The following NEK7 variants were observed in gnomAD, a reference collection of about 807,000 sequenced individuals.
NEK7 encodes the protein NIMA related kinase 7.
NEK7 carries 18 observed loss-of-function variants against 44.6 expected under a neutral mutation model. The ratio of observed to expected loss-of-function variants is 0.40; its 90% CI spans 0.28 to 0.60. The LOEUF (loss-of-function observed/expected upper bound fraction) is 0.60. Among genes scored for constraint, NEK7 ranks in the 20% least tolerant of loss-of-function variants. The probability of loss-of-function intolerance (pLI) is 0.38; values close to 1 mark genes in which losing one functional copy is unlikely to be tolerated. For synonymous variants in NEK7, 130 were observed against 121.1 expected (o/e 1.07, Z -0.48); for missense variants, 256 against 366.5 (o/e 0.70, Z 2.46).
chr1:198,227,307 T>G lies in NEK7; in HGVS notation c.-28-5246T>G, dbSNP rs1481510126. On this transcript the variant is annotated intron_variant, in intron 1 of 9. Coordinates refer to ENST00000367385, the MANE Select transcript of NEK7 (RefSeq NM_133494.3). Reference sequence around the variant, plus strand: ...GGTTGGTTCCAAGTCTTTGCTATTGTGAATAGTGCTGCTATAAACATACGT... The same window carrying G: ...GGTTGGTTCCAAGTCTTTGCTATTGGGAATAGTGCTGCTATAAACATACGT... 3.3e-5 allele frequency among the ~76,000 whole-genome samples: 5 copies of G among 152,344 alleles called. No homozygotes were observed. In the East Asian group the frequency reaches 7.7e-4, roughly 24 times the overall value.
chr1:198,257,110 T>A (rs542189540), intron 3 of NEK7, among the ~76,000 whole-genome samples: 31 of 152,304 alleles, frequency 2.0e-4, no homozygotes, highest in African/African-American at 7.2e-4. Flanking sequence ...TATTTCTAGA[T>A]AACACTATTT....
At chr1:198,185,260 G>T (rs16842537) in intron 1 of NEK7, among the ~76,000 whole-genome samples, 22,967 of 100,224 alleles carry the variant, frequency 0.23, 2,456 homozygotes, top group East Asian at 0.62. Context: ...TTTGAACTTT[G>T]TTCTTCATAA....
At chr1:198,210,977 C>G (rs959099991) in intron 1 of NEK7, among the ~76,000 whole-genome samples, 10 of 151,794 alleles carry the variant, frequency 6.6e-5, no homozygotes, top group African/African-American at 2.4e-4. Context: ...TGGTCTCGAT[C>G]TCCTGACCTC....
intron 7 of NEK7, among the ~76,000 whole-genome samples, chr1:198,280,929 AT>A (rs1165458507): frequency 6.6e-6 from 1 of 151,594 alleles, no homozygotes; most frequent in Non-Finnish European, 1.5e-5. Flanking sequence ...TTTCACAAGT[AT>A]TTTTTGTTTT....
At chr1:198,240,712 C>T (rs766328614) in intron 2 of NEK7, among the ~76,000 whole-genome samples, 2 of 152,114 alleles carry the variant, frequency 1.3e-5, no homozygotes, top group African/African-American at 2.4e-5. Context: ...GTTCTTGAGA[C>T]GGAGTCCTGC....
chr1:198,306,136 T>C (rs891659071), intron 9 of NEK7, among the ~76,000 whole-genome samples: 4 of 152,156 alleles, frequency 2.6e-5, no homozygotes, highest in Non-Finnish European at 4.4e-5. Context: ...TTTATGAAGA[T>C]TGAATAAATT....
intron 1 of NEK7, among the ~76,000 whole-genome samples, chr1:198,172,102 CA>C (rs1664467728): frequency 1.3e-5 from 2 of 152,110 alleles, no homozygotes; most frequent in African/African-American, 4.8e-5. Context: ...TGCTGAAAAA[CA>C]AAACAAAACA....
chr1:198,312,458 A>G (rs1262260749), intron 9 of NEK7, among the ~76,000 whole-genome samples: 4 of 151,682 alleles, frequency 2.6e-5, no homozygotes, highest in South Asian at 4.2e-4. Flanking sequence ...CTCTGATTTT[A>G]GTTATTTCTT....
chr1:198,162,237 GT>G (rs1428537971), intron 1 of NEK7, among the ~76,000 whole-genome samples: 1 of 152,172 alleles, frequency 6.6e-6, no homozygotes, highest in Non-Finnish European at 1.5e-5. Flanking sequence ...TCAGGAGTGG[GT>G]TTTGTGTGTG....
In NEK7 at chr1:198,157,033, G is replaced by C. The variant is rs944283732; in HGVS notation, c.-272G>C. 1.3e-5 allele frequency: 2 copies of C among 152,030 alleles called. No homozygotes were observed. Among genetic ancestry groups the C allele is most frequent in the Non-Finnish European group, 2.9e-5 (2 of 67,990 alleles). 9.4% of individuals were successfully genotyped at this position (152,030 alleles called of 1,614,324 possible). A position where few individuals can be genotyped will look rare whatever the true frequency, so the allele number is the denominator to read the frequency against. ...CAGCGGCGGCAGCAGGAGGAGGATCGGGAGTCGCGGGAGGATGGGCCGCCG... is the reference window on the plus strand; with the variant it reads ...CAGCGGCGGCAGCAGGAGGAGGATCCGGAGTCGCGGGAGGATGGGCCGCCG... On this transcript the variant is annotated 5_prime_UTR_variant, in exon 1 of 10. Transcript: ENST00000367385.
chr1:198,161,386 T>C (rs906361443), intron 1 of NEK7, among the ~76,000 whole-genome samples: 1 of 152,214 alleles, frequency 6.6e-6, no homozygotes, highest in African/African-American at 2.4e-5. Context: ...ATACAGTATC[T>C]GACCAAGTGG....
intron 9 of NEK7, among the ~76,000 whole-genome samples, chr1:198,311,833 G>A (rs1400742210): frequency 2.6e-5 from 4 of 151,964 alleles, no homozygotes; most frequent in East Asian, 1.9e-4. Flanking sequence ...TGCTGGATTC[G>A]GTTTGCCAGT....
intron 5 of NEK7, among the ~76,000 whole-genome samples, chr1:198,268,839 T>G (rs1215671696): frequency 1.3e-5 from 2 of 152,158 alleles, no homozygotes; most frequent in Non-Finnish European, 2.9e-5. Flanking sequence ...ATCTGACTCC[T>G]GCTCTTGCTG....
At chr1:198,159,449 A>C (rs554077764) in intron 1 of NEK7, among the ~76,000 whole-genome samples, 15 of 152,298 alleles carry the variant, frequency 9.8e-5, no homozygotes, top group African/African-American at 3.6e-4. Context: ...AGCAGACTAA[A>C]TATAGTCCAT....
intron 1 of NEK7, among the ~76,000 whole-genome samples, chr1:198,170,412 G>C (rs1327249566): frequency 6.6e-6 from 1 of 152,184 alleles, no homozygotes; most frequent in East Asian, 1.9e-4. Flanking sequence ...AAACATGACA[G>C]GCAGTTAGAT....
At chr1:198,188,361 A>G (rs2102760930) in intron 1 of NEK7, among the ~76,000 whole-genome samples, 1 of 152,328 alleles carries the variant, frequency 6.6e-6, no homozygotes, top group South Asian at 2.1e-4. Context: ...AAACAGCAGG[A>G]GTATCAGCAT....
At chr1:198,173,398 T>A (rs1156992310) in intron 1 of NEK7, among the ~76,000 whole-genome samples, 3 of 150,600 alleles carry the variant, frequency 2.0e-5, no homozygotes, top group Non-Finnish European at 3.0e-5. Context: ...CACTATACTC[T>A]GGCCTGGGAG....
chr1:198,262,512 T>A lies in NEK7; in HGVS notation c.199-63T>A, dbSNP rs559701672. ...ATTACATGTAGAGTATTAAAATGAATTTACACAATAGCTTGAACCATAGGT... is the reference window on the plus strand; with the variant it reads ...ATTACATGTAGAGTATTAAAATGAAATTACACAATAGCTTGAACCATAGGT... On this transcript the variant is annotated intron_variant, in intron 3 of 9. Transcript: ENST00000367385. 2.2e-4 allele frequency: 228 copies of A among 1,028,906 alleles called. No individual in the cohort carries two copies. The African/African-American group carries it at 3.5e-3, about 16-fold the overall frequency. The allele number at this position is 1,028,906 out of a possible 1,614,324, so 63.7% of individuals were successfully genotyped here.
chr1:198,161,238 G>A (rs1371996138), intron 1 of NEK7, among the ~76,000 whole-genome samples: 2 of 152,184 alleles, frequency 1.3e-5, no homozygotes, highest in African/African-American at 2.4e-5. Flanking sequence ...TCTGTTGGTA[G>A]TGGGTAAGGG....
Sources: allele counts gnomAD v4.1 joint callset (sites outside exome capture counted in the v4.1 genomes callset), GRCh38; gene constraint gnomAD v4.1.1; transcripts MANE v1.5; gene names NCBI Gene and HGNC (gene_info 2026-07-23, HGNC 2026-07-21).